The following POMP variants were observed in gnomAD, a reference collection of about 807,000 sequenced individuals.
The protein encoded by POMP is 2510048O06Rik.
A neutral mutation model predicts 20.6 loss-of-function variants in POMP; 12 were observed. The ratio of observed to expected loss-of-function variants is 0.58; its 90% CI spans 0.37 to 0.94. POMP has a LOEUF of 0.94. Among genes scored for constraint, POMP ranks in the 40% least tolerant of loss-of-function variants. The pLI is 0.01. For missense variants in POMP, 136 were observed against 161.1 expected, an observed-to-expected ratio of 0.84 and a Z score of 0.84; for synonymous variants, 53 against 55.0, an observed-to-expected ratio of 0.96 and a Z score of 0.16.
intron 1 of POMP, chr13:28,659,720 G>GA (rs1373983096): frequency 6.4e-6 from 1 of 155,672 alleles, no homozygotes; most frequent in East Asian, 1.9e-4. Flanking sequence ...TGTTAGAGGG[G>GA]AAAAAATCAG....
rs368393514 is a variant in POMP at position 28,668,481 on chromosome 13, C to G, written c.171C>G (p.Leu57=). The G allele has an allele frequency of 6.2e-7, 1 of 1,605,332 alleles. No homozygotes were observed. Among genetic ancestry groups the G allele is most frequent in the Non-Finnish European group, 8.5e-7 (1 of 1,172,264 alleles). ...PLELSEKNFQ[L]NQDKMNFSTL... is the part of the protein sequence containing the mutation. ...TACATTGTCTTTTGTAGTTCCAGCT[C>G]AACCAAGATAAAATGAATTTTTCCA... Residue 57 remains leucine (L), a synonymous_variant, in exon 4 of 6, where the codon CTC becomes CTG. Transcript: ENST00000380842.
chr13:28,674,794 T>G (rs1337140913), intron 5 of POMP, among the ~76,000 whole-genome samples: 1 of 152,168 alleles, frequency 6.6e-6, no homozygotes, highest in Non-Finnish European at 1.5e-5. Flanking sequence ...ATCCCAGCAC[T>G]CTGGGAGGCA....
At chr13:28,672,494 A>G (rs1884566770) in intron 5 of POMP, 62 bp downstream of exon 5, 7 of 1,260,898 alleles carry the variant, frequency 5.6e-6, no homozygotes, top group Middle Eastern at 1.8e-4. Context: ...ACAGCTGCAA[A>G]AAGAATAGGC....
chr13:28,670,121 T>C (rs770299224), intron 4 of POMP, among the ~76,000 whole-genome samples: 1 of 151,988 alleles, frequency 6.6e-6, no homozygotes, highest in Non-Finnish European at 1.5e-5. Flanking sequence ...AAAAATAAAA[T>C]ATGTTGATGA....
intron 3 of POMP, among the ~76,000 whole-genome samples, chr13:28,665,043 A>T (rs2137792250): frequency 6.6e-6 from 1 of 152,294 alleles, no homozygotes; most frequent in East Asian, 1.9e-4. Flanking sequence ...AGTGGGTAGG[A>T]GAAGGCTTCG....
intron 5 of POMP, 131 bp from the exon 6 acceptor site, chr13:28,677,904 A>T: frequency 1.1e-6 from 1 of 888,156 alleles, no homozygotes; most frequent in Admixed American, 2.0e-5. Context: ...CCCCAGCCCC[A>T]GGCAATCACT....
Position 28,661,650 on chromosome 13 carries a change from GT to G in POMP, c.4-759del, listed in dbSNP as rs1178698217. Among the ~76,000 whole-genome samples, 3 of 152,324 alleles carry G rather than the reference GT, an allele frequency of 2.0e-5. No individual in the cohort carries two copies. In the East Asian group the frequency reaches 5.8e-4, roughly 29 times the overall value. ...GTATCTGGTGATTGCGCATTTCACA[GT>G]AGCGTAGGGTAATCATACACCAATA... On this transcript the variant is annotated intron_variant, in intron 1 of 5. Transcript: ENST00000380842.
At chr13:28,669,512 A>C (rs538109260) in intron 4 of POMP, among the ~76,000 whole-genome samples, 1 of 152,198 alleles carries the variant, frequency 6.6e-6, no homozygotes, top group Admixed American at 6.5e-5. Flanking sequence ...AGTAGCAGGG[A>C]CTACAGTCAC....
intron 3 of POMP, among the ~76,000 whole-genome samples, chr13:28,665,955 C>T (rs1884437949): frequency 6.6e-6 from 1 of 152,170 alleles, no homozygotes; most frequent in South Asian, 2.1e-4. Context: ...CCTCTGTCTA[C>T]ATCTTAGGTA....
chr13:28,668,171 G>A (rs1051541339), intron 3 of POMP, among the ~76,000 whole-genome samples: 2 of 151,114 alleles, frequency 1.3e-5, no homozygotes, highest in Non-Finnish European at 2.9e-5. Flanking sequence ...TTAATCAAAA[G>A]CGCTAAAATA....
intron 5 of POMP, among the ~76,000 whole-genome samples, chr13:28,673,062 G>C (rs892283686): frequency 1.3e-5 from 2 of 149,588 alleles, no homozygotes; most frequent in Non-Finnish European, 3.0e-5. Flanking sequence ...TAGGAAAGAG[G>C]AATCTGTCTT....
chr13:28,668,894 A>ACAATTTG (rs1312069285), intron 4 of POMP, among the ~76,000 whole-genome samples: 2 of 152,124 alleles, frequency 1.3e-5, no homozygotes, highest in African/African-American at 4.8e-5. Flanking sequence ...CAATTTGTAT[A>ACAATTTG]TAGTTGAATA....
intron 5 of POMP, among the ~76,000 whole-genome samples, chr13:28,674,972 G>A (rs116847611): frequency 0.029 from 4,364 of 152,116 alleles, 98 homozygotes; most frequent in South Asian, 0.094. Flanking sequence ...CCAGGAATTT[G>A]AGGCCACAGT....
chr13:28,672,254 A>G (rs1272516324), intron 4 of POMP, 85 bp from the exon 5 acceptor site: 2 of 1,129,888 alleles, frequency 1.8e-6, no homozygotes, highest in African/African-American at 1.5e-5. Context: ...CAAACAAAGA[A>G]TAAAGAACAT....
chr13:28,675,647 G>A (rs573974338), intron 5 of POMP, among the ~76,000 whole-genome samples: 19 of 152,260 alleles, frequency 1.2e-4, no homozygotes, highest in African/African-American at 4.1e-4. Context: ...AGAGTCCTCC[G>A]TTAACTACTG....
In POMP at chr13:28,678,070, T is replaced by G. The variant is rs756352763; in HGVS notation, c.394T>G (p.Leu132Val). ...AAGCGAAGTCATGGGAGAGCCACAC[T>G]TGATGGTGGAATATAAACTTGGTTT... Reference protein sequence around the residue: ...SQSEVMGEPHLMVEYKLGLL With the variant: ...SQSEVMGEPHVMVEYKLGLL Residue 132 changes from leucine (L) to valine (V), a missense_variant, in exon 6 of 6, where the codon TTG becomes GTG. By Grantham distance (32) the Leu-to-Val change is conservative. Transcript: ENST00000380842. 7 of 1,614,136 alleles carry G rather than the reference T, an allele frequency of 4.3e-6. No homozygotes were observed. Among genetic ancestry groups the G allele is most frequent in the Non-Finnish European group, 1.7e-6 (2 of 1,179,978 alleles).
chr13:28,674,470 GT>G (rs1480993609), intron 5 of POMP, among the ~76,000 whole-genome samples: 1 of 152,206 alleles, frequency 6.6e-6, no homozygotes, highest in African/African-American at 2.4e-5. Context: ...AACAAAGGCA[GT>G]TTAGTGTCTC....
At chr13:28,661,938 G>T (rs1593171477) in intron 1 of POMP, among the ~76,000 whole-genome samples, 1 of 152,228 alleles carries the variant, frequency 6.6e-6, no homozygotes, top group East Asian at 1.9e-4. Context: ...TAAGGGAGTG[G>T]TTTTTCCAGG....
chr13:28,659,256 TCGCCTCCCAACC>T, intron 1 of POMP, 69 bp downstream of exon 1: 1 of 1,553,910 alleles, frequency 6.4e-7, no homozygotes, highest in Non-Finnish European at 8.7e-7. Flanking sequence ...AAACAGGCAG[TCGCCTCCCAACC>T]CGTCCCCGGT....
Sources: gnomAD v4.1 joint callset for allele counts (sites outside exome capture counted in the v4.1 genomes callset) on GRCh38, gnomAD v4.1.1 for gene constraint, MANE v1.5 for transcripts, NCBI Gene and HGNC (gene_info 2026-07-23, HGNC 2026-07-21) for gene names.